Variants in LCA5L observed in about 807,000 individuals in gnomAD.
LCA5L encodes lebercilin LCA5 like.
LCA5L carries 35 observed loss-of-function variants against 45.4 expected under a neutral mutation model. That is an observed-to-expected ratio of 0.77 (90% CI 0.59 to 1.02). LCA5L has a LOEUF of 1.02. Among genes scored for constraint, LCA5L ranks in the 50% least tolerant of loss-of-function variants. The pLI, the probability that LCA5L is intolerant of heterozygous loss-of-function variation, is 0.00. For missense variants in LCA5L, 668 were observed against 761.6 expected, an observed-to-expected ratio of 0.88 and a Z score of 1.45; for synonymous variants, 233 against 264.7, an observed-to-expected ratio of 0.88 and a Z score of 1.16.
chr21:39,419,426 G>A (rs1488992972), intron 7 of LCA5L, among the ~76,000 whole-genome samples: 1 of 151,448 alleles, frequency 6.6e-6, no homozygotes, highest in Non-Finnish European at 1.5e-5. Context: ...TTGGGAGGCC[G>A]AGGTGGGAAG....
chr21:39,413,169 C>T (rs185688384), intron 7 of LCA5L, among the ~76,000 whole-genome samples: 5 of 152,278 alleles, frequency 3.3e-5, no homozygotes, highest in South Asian at 2.1e-4. Flanking sequence ...ACTAGTCACT[C>T]GTCAGGAGAA....
At chr21:39,421,893 T>C (rs1033671753) in intron 6 of LCA5L, 4 of 152,242 alleles carry the variant, frequency 2.6e-5, no homozygotes, top group African/African-American at 4.8e-5. Context: ...AAAATAGTTA[T>C]GGAATTTGTT....
rs772459450 is a variant in LCA5L at position 39,405,902 on chromosome 21, T to A, written c.1993A>T (p.Lys665Ter). The A allele has an allele frequency of 5.7e-6, 9 of 1,585,280 alleles. No individual in the cohort carries two copies. In the South Asian group the frequency reaches 7.9e-5, roughly 14 times the overall value. The part of the protein sequence containing the change: ...SIKPSSPTEG[K>*]RKIII Reference sequence around the variant, plus strand: ...TATATTTAAATAATTATTTTTCTTTTTCCTTCTGTAGGTGACGATGGCTTA... The same window carrying A: ...TATATTTAAATAATTATTTTTCTTTATCCTTCTGTAGGTGACGATGGCTTA... Residue 665 changes from lysine to a stop codon, truncating the protein, a stop_gained, in exon 11 of 11, where the codon AAA (lysine) becomes TAA (stop). Transcript: ENST00000288350. LOFTEE classifies it high-confidence loss of function.
In LCA5L at chr21:39,428,324, G is replaced by C; in HGVS notation, c.170C>G (p.Ser57Cys). The change falls in exon 5 of 11, where the codon TCC becomes TGC. Residue 57 changes from serine (S) to cysteine (C), a missense_variant. By Grantham distance (112) the Ser-to-Cys change is moderately radical. Transcript: ENST00000288350. ...KSVDYSRSQCSCGSLSSQYDY... is the reference protein window; with the variant it reads ...KSVDYSRSQCCCGSLSSQYDY... ...ATACTGAGAACTTAAACTTCCACAGGAGCACTGAGATCTGCTATAATCAAC... is the reference window on the plus strand; with the variant it reads ...ATACTGAGAACTTAAACTTCCACAGCAGCACTGAGATCTGCTATAATCAAC... 1 of 1,613,406 alleles carries C rather than the reference G, an allele frequency of 6.2e-7. No individual in the cohort carries two copies. The highest frequency in any genetic ancestry group is 8.5e-7 in the Non-Finnish European group (1 of 1,179,816).
At chr21:39,420,873 G>T in intron 6 of LCA5L, 30 bp from the exon 7 acceptor site, 1 of 1,558,070 alleles carries the variant, frequency 6.4e-7, no homozygotes, top group Non-Finnish European at 8.8e-7. Context: ...TAACTATTCT[G>T]CAACCAAGTT....
rs770386328 is a variant in LCA5L at position 39,406,469 on chromosome 21, T to C, written c.1426A>G (p.Ile476Val). The change falls in exon 11 of 11, where the codon ATT becomes GTT. Residue 476 changes from isoleucine to valine, a missense_variant. Ile to Val is a conservative substitution (Grantham distance 29). Transcript: ENST00000288350. Reference protein sequence around the residue: ...QELPPKIIEVIHPERESNQED... With the variant: ...QELPPKIIEVVHPERESNQED... ...TGATTGCTTTCTCTTTCAGGATGAA[T>C]AACTTCAATTATTTTTGGTGGTAGT... 13 of 1,614,006 alleles carry C rather than the reference T, an allele frequency of 8.1e-6. No individual in the cohort carries two copies. The South Asian group carries it at 1.3e-4, about 16-fold the overall frequency.
intron 5 of LCA5L, among the ~76,000 whole-genome samples, chr21:39,424,498 C>A (rs2074301469): frequency 6.6e-6 from 1 of 152,146 alleles, no homozygotes; most frequent in Admixed American, 6.6e-5. Flanking sequence ...AACAAACCAA[C>A]CCCATGACAA....
At chr21:39,425,022 G>A (rs1001895009) in intron 5 of LCA5L, among the ~76,000 whole-genome samples, 1 of 152,212 alleles carries the variant, frequency 6.6e-6, no homozygotes, top group Non-Finnish European at 1.5e-5. Context: ...CCCCACAGGT[G>A]TGTGCATTTG....
chr21:39,413,923 A>G (rs1337474371), intron 7 of LCA5L: 2 of 152,478 alleles, frequency 1.3e-5, no homozygotes, highest in East Asian at 3.8e-4. Flanking sequence ...AACAACAACA[A>G]GAGGCTGCGA....
chr21:39,441,246 C>T (rs73367966), intron 2 of LCA5L, among the ~76,000 whole-genome samples: 4,157 of 152,200 alleles, frequency 0.027, 182 homozygotes, highest in African/African-American at 0.095. Flanking sequence ...CGCAGTGATG[C>T]AGTGAGCTGT....
intron 2 of LCA5L, among the ~76,000 whole-genome samples, chr21:39,437,680 T>C (rs1422479429): frequency 6.6e-6 from 1 of 152,048 alleles, no homozygotes; most frequent in Non-Finnish European, 1.5e-5. Flanking sequence ...TCAAACTCCT[T>C]GGCTCAAGAA....
rs375147715 is a variant in LCA5L at position 39,412,547 on chromosome 21, TG to T, written c.976-746del. Among the ~76,000 whole-genome samples, 9 of 151,912 alleles carry T rather than the reference TG, an allele frequency of 5.9e-5. No homozygotes were observed. The East Asian group carries it at 1.6e-3, about 26-fold the overall frequency. On this transcript the variant is annotated intron_variant, in intron 7 of 10. Transcript: ENST00000288350. ...CATGGTTAAGAGAGGTGGGCATATATGAAGTAAGGAGGAAGGAACCCAGGGA... is the reference window on the plus strand; with the variant it reads ...CATGGTTAAGAGAGGTGGGCATATATAAGTAAGGAGGAAGGAACCCAGGGA...
rs59054920 is a variant in LCA5L at position 39,409,441 on chromosome 21, C to T, written c.1282+538G>A. ...AGCAAGGGAATGACTGGCCTAAAAC[C>T]CAAGACGGTGGTGGTTTCTGGTGGG... is the stretch of plus-strand genomic sequence containing the variant. On this transcript the variant is annotated intron_variant, in intron 10 of 10. Coordinates refer to ENST00000288350, the MANE Select transcript of LCA5L (RefSeq NM_152505.4). This position sits in a 1 kb window ranked among gnomAD's most constrained non-coding sequence, Gnocchi z 4.2. Among the ~76,000 whole-genome samples, 3,974 of 152,120 alleles carry T rather than the reference C, an allele frequency of 0.026. 126 individuals are homozygous for T. The highest frequency in any genetic ancestry group is 0.077 in the African/African-American group (3,177 of 41,468).
At chr21:39,445,333 G>A (rs1438125704) in intron 1 of LCA5L, 1 of 152,310 alleles carries the variant, frequency 6.6e-6, no homozygotes, top group East Asian at 1.9e-4. Flanking sequence ...GGCAAAATCG[G>A]AGGTCAGATA....
rs775472187 is a variant in LCA5L, at chr21:39,406,421, TTTCTC to T, written c.1469_1473del (p.Arg490LysfsTer3). On this transcript the variant is annotated frameshift_variant, in exon 11 of 11. Coordinates refer to ENST00000288350, the MANE Select transcript of LCA5L (RefSeq NM_152505.4). LOFTEE classifies it low-confidence loss of function (END_TRUNC). ...TTTCTCTGCATGCTTCTTTTAAACT[TTTCTC>T]TTACTAGAACATCTTCTTGATTGCT... The T allele has an allele frequency of 9.3e-6, 15 of 1,614,190 alleles. No individual in the cohort carries two copies. Among genetic ancestry groups the T allele is most frequent in the East Asian group, 4.5e-5 (2 of 44,892 alleles).
intron 3 of LCA5L, among the ~76,000 whole-genome samples, chr21:39,432,585 A>G (rs1248981438): frequency 6.6e-6 from 1 of 152,150 alleles, no homozygotes; most frequent in Non-Finnish European, 1.5e-5. Context: ...TCCCCATGAA[A>G]CTATCACCAC....
At chr21:39,411,594 C>A in intron 8 of LCA5L, 124 bp downstream of exon 8, 1 of 497,874 alleles carries the variant, frequency 2.0e-6, no homozygotes, top group Non-Finnish European at 3.6e-6. Context: ...TCTAGAATCA[C>A]AAAATGTATT....
chr21:39,427,335 G>A (rs2074900126), intron 5 of LCA5L, among the ~76,000 whole-genome samples: 1 of 152,168 alleles, frequency 6.6e-6, no homozygotes, highest in Non-Finnish European at 1.5e-5. Context: ...ATTCCAATTT[G>A]GACAGCTGGG....
intron 10 of LCA5L, 72 bp from the exon 11 acceptor site, chr21:39,406,684 G>A: frequency 8.7e-7 from 1 of 1,153,664 alleles, no homozygotes; most frequent in Non-Finnish European, 1.2e-6. Context: ...GGCATGTCTA[G>A]TACACTTACG....
Sources: gnomAD v4.1 joint callset for allele counts (sites outside exome capture counted in the v4.1 genomes callset) on GRCh38, gnomAD v4.1.1 for gene constraint, Gnocchi (gnomAD v3.1) non-coding constraint, MANE v1.5 for transcripts, NCBI Gene and HGNC (gene_info 2026-07-23, HGNC 2026-07-21) for gene names.